Variants in SYT16 observed in about 807,000 individuals in gnomAD.
SYT16 encodes synaptotagmin 16.
In SYT16, 42 loss-of-function variants were observed where a neutral mutation model predicts 61.4. The ratio of observed to expected loss-of-function variants is 0.68; its 90% CI spans 0.53 to 0.89. The LOEUF is 0.89. Ranked by LOEUF, SYT16 falls within the 40% of genes least tolerant of loss-of-function variation. The pLI is 0.00. For missense variants in SYT16, 804 were observed against 807.3 expected (o/e 1.00, Z 0.05); for synonymous variants, 314 against 302.3 (o/e 1.04, Z -0.40).
chr14:62,088,051 C>T (rs1269994211), intron 7 of SYT16, among the ~76,000 whole-genome samples: 4 of 152,036 alleles, frequency 2.6e-5, no homozygotes, highest in Non-Finnish European at 5.9e-5. Context: ...TGGGAAAAGG[C>T]GTAGAAGCTT....
At chr14:61,937,650 G>C (rs977427475) in intron 1 of SYT16, among the ~76,000 whole-genome samples, 4 of 152,120 alleles carry the variant, frequency 2.6e-5, no homozygotes, top group African/African-American at 9.7e-5. Flanking sequence ...GGAGAGTGTT[G>C]GGACAATTTT....
At chr14:61,968,242 T>C (rs576993641) in intron 1 of SYT16, among the ~76,000 whole-genome samples, 2 of 152,100 alleles carry the variant, frequency 1.3e-5, no homozygotes, top group Admixed American at 1.3e-4. Flanking sequence ...GCCTGTGTGA[T>C]GGAGTAAGAC....
chr14:62,068,886 C>T lies in SYT16; in HGVS notation c.524-717C>T, dbSNP rs568534183. On this transcript the variant is annotated intron_variant, in intron 3 of 7. Transcript: ENST00000683842. ...TCTCAGCTCACTGCAACCTCCACTT[C>T]CTGGGTTCAAGTGATTCTCCTGTCT... is the stretch of plus-strand genomic sequence containing the variant. Among the ~76,000 whole-genome samples the T allele has an allele frequency of 2.6e-5, 4 of 152,250 alleles. No homozygotes were observed. The East Asian group carries it at 7.7e-4, about 29-fold the overall frequency.
At chr14:61,815,329 C>A (rs958328447) in intron 1 of SYT16, among the ~76,000 whole-genome samples, 1 of 152,130 alleles carries the variant, frequency 6.6e-6, no homozygotes, top group Non-Finnish European at 1.5e-5. Flanking sequence ...TACATGACCT[C>A]GATAAGATAA....
In SYT16 at chr14:62,101,498, A is replaced by G. The variant is rs191314103; in HGVS notation, c.*791A>G. The G allele has an allele frequency of 4.6e-5, 7 of 152,238 alleles. No individual in the cohort carries two copies. Among genetic ancestry groups the G allele is most frequent in the African/African-American group, 1.2e-4 (5 of 41,534 alleles). The allele number at this position is 152,238 out of a possible 1,614,324, so 9.4% of individuals were successfully genotyped here. On this transcript the variant is annotated 3_prime_UTR_variant, in exon 8 of 8. Transcript: ENST00000683842. The stretch of plus-strand genomic sequence containing the variant: ...ACAGAATAAGAAAACAAAAAACAAG[A>G]CTACTGCAGTCATAGATTTATTGAT...
chr14:61,852,437 T>A (rs1281575725), intron 1 of SYT16, among the ~76,000 whole-genome samples: 2 of 152,238 alleles, frequency 1.3e-5, no homozygotes, highest in Non-Finnish European at 2.9e-5. Context: ...TAAAATAGTT[T>A]TTTTCTAATT....
chr14:62,080,085 G>A (rs982790765), intron 5 of SYT16, among the ~76,000 whole-genome samples: 3 of 152,128 alleles, frequency 2.0e-5, no homozygotes, highest in Admixed American at 1.3e-4. Context: ...GCTAGTCAGT[G>A]GTAGAGTTAT....
At chr14:61,980,626 G>A (rs1403233657) in intron 2 of SYT16, among the ~76,000 whole-genome samples, 2 of 152,166 alleles carry the variant, frequency 1.3e-5, no homozygotes, top group Non-Finnish European at 2.9e-5. Flanking sequence ...GCTATGTCAT[G>A]CCACACATTG....
chr14:61,983,115 A>T (rs1420764578), intron 2 of SYT16, among the ~76,000 whole-genome samples: 2 of 152,194 alleles, frequency 1.3e-5, no homozygotes, highest in South Asian at 2.1e-4. Flanking sequence ...CTGTTTCTGC[A>T]TTGAAGTGGG....
Position 61,864,611 on chromosome 14 carries a change from C to A in SYT16, c.-325+51801C>A, listed in dbSNP as rs564413482. On this transcript the variant is annotated intron_variant, in intron 1 of 7. Transcript: ENST00000683842. ...AGGCCAAGGCCGCTTCGGCCGCCGC[C>A]TCGCTGCGCGGCCTCAATTTGGCGG... Among the ~76,000 whole-genome samples, 604 of 152,396 alleles carry A rather than the reference C, an allele frequency of 4.0e-3. 5 individuals carry two copies. Among genetic ancestry groups the A allele is most frequent in the Non-Finnish European group, 6.9e-3 (468 of 68,040 alleles).
In SYT16 at chr14:62,104,633, GA is replaced by G. The variant is rs919464334; in HGVS notation, c.*3928del. 1.3e-5 allele frequency: 2 copies of G among 152,140 alleles called. No homozygotes were observed. Among genetic ancestry groups the G allele is most frequent in the Non-Finnish European group, 2.9e-5 (2 of 68,008 alleles). The allele number at this position is 152,140 out of a possible 1,614,324, so 9.4% of individuals were successfully genotyped here. A position where few individuals can be genotyped will look rare whatever the true frequency, so the allele number is the denominator to read the frequency against. On this transcript the variant is annotated 3_prime_UTR_variant, in exon 8 of 8. Transcript: ENST00000683842. ...AGCTATCACTTTTCTAAAACTTGTA[GA>G]ATTCTGAAAAATATTTAAAGATGGG...
chr14:61,866,165 T>A, intron 1 of SYT16, among the ~76,000 whole-genome samples: 1 of 152,102 alleles, frequency 6.6e-6, no homozygotes, highest in African/African-American at 2.4e-5. Flanking sequence ...AAAAAAACTA[T>A]TATGAATACT....
chr14:61,821,791 G>C (rs180752551), intron 1 of SYT16, among the ~76,000 whole-genome samples: 101 of 152,312 alleles, frequency 6.6e-4, no homozygotes, highest in African/African-American at 2.4e-3. Context: ...AGTACTAGGA[G>C]ATGAGGATAA....
chr14:61,876,333 C>A (rs1037061954), intron 1 of SYT16, among the ~76,000 whole-genome samples: 2 of 152,202 alleles, frequency 1.3e-5, no homozygotes, highest in Admixed American at 1.3e-4. Flanking sequence ...CTGAAATGTG[C>A]AGTTCATTGC....
intron 3 of SYT16, among the ~76,000 whole-genome samples, chr14:62,048,182 A>G (rs1235406828): frequency 3.9e-5 from 6 of 152,218 alleles, no homozygotes; most frequent in South Asian, 2.1e-4. Context: ...CAGGGATTCA[A>G]CTTCTTCCTG....
At chr14:61,957,192 C>G (rs2140490865) in intron 1 of SYT16, among the ~76,000 whole-genome samples, 1 of 131,864 alleles carries the variant, frequency 7.6e-6, no homozygotes, top group East Asian at 3.1e-4. Flanking sequence ...TTAGTTCTAA[C>G]AGTTTTTTAT....
intron 1 of SYT16, among the ~76,000 whole-genome samples, chr14:61,935,669 G>A (rs1221773818): frequency 6.6e-6 from 1 of 152,158 alleles, no homozygotes; most frequent in Non-Finnish European, 1.5e-5. Flanking sequence ...AAAGTGTTTG[G>A]CCTGTGAATT....
intron 3 of SYT16, among the ~76,000 whole-genome samples, chr14:62,055,126 G>C (rs1482928594): frequency 1.3e-5 from 2 of 152,228 alleles, no homozygotes; most frequent in Non-Finnish European, 2.9e-5. Context: ...GTTTGGTTTT[G>C]TGTTTTCTCT....
chr14:62,075,747 G>T (rs2056473910), intron 5 of SYT16, among the ~76,000 whole-genome samples: 1 of 151,888 alleles, frequency 6.6e-6, no homozygotes, highest in Non-Finnish European at 1.5e-5. Context: ...TAGAGGGACT[G>T]GTTTATTTAC....
Sources: gnomAD v4.1 joint callset for allele counts (sites outside exome capture counted in the v4.1 genomes callset) on GRCh38, gnomAD v4.1.1 for gene constraint, MANE v1.5 for transcripts, NCBI Gene and HGNC (gene_info 2026-07-23, HGNC 2026-07-21) for gene names.